C1orf53: variants seen among roughly 807,000 people sequenced by gnomAD.
C1orf53 encodes uncharacterized protein C1orf53.
A neutral mutation model predicts 17.5 loss-of-function variants in C1orf53; 23 were observed. That is an observed-to-expected ratio of 1.31 (90% confidence interval 0.94 to 1.86). C1orf53 has a LOEUF of 1.86. Among genes scored for constraint, C1orf53 ranks in the 40% most tolerant of loss-of-function variants. The pLI is 0.00. For synonymous variants in C1orf53, 108 were observed against 81.9 expected, an observed-to-expected ratio of 1.32 and a Z score of -1.72; for missense variants, 255 against 193.2, an observed-to-expected ratio of 1.32 and a Z score of -1.89.
In C1orf53 at chr1:197,902,766, A is replaced by G. The variant is rs759277613; in HGVS notation, c.117A>G (p.Leu39=). The change falls in exon 1 of 3, where the codon TTA becomes TTG. Residue 39 remains leucine, a synonymous_variant. Transcript: ENST00000367393. ...CTGGGTTCCGACAGCAGCTCAGCTT[A>G]ACCCTCTGCCCTGCTAACGAGGGAA... ...VRAGFRQQLS[L]TLCPANEGNC... 6 of 1,577,600 alleles carry G rather than the reference A, an allele frequency of 3.8e-6. No individual in the cohort carries two copies. The highest frequency in any genetic ancestry group is 5.1e-6 in the Non-Finnish European group (6 of 1,169,446).
rs773949964 is a variant in C1orf53, at chr1:197,902,867, C to T, written c.218C>T (p.Thr73Ile). The T allele has an allele frequency of 1.3e-6, 2 of 1,525,038 alleles. No individual in the cohort carries two copies. The highest frequency in any genetic ancestry group is 1.8e-6 in the Non-Finnish European group (2 of 1,142,094). The allele number at this position is 1,525,038 out of a possible 1,614,324, so 94.5% of individuals were successfully genotyped here. The change falls in exon 1 of 3, where the codon ACC becomes ATC. Residue 73 changes from threonine to isoleucine, a missense_variant. Transcript: ENST00000367393. ...AARPSVSEEL[T>I]AAERQIAELH... ...AGGCCTTCGGTGAGCGAAGAGTTAA[C>T]CGCGGCGGAGCGACAGATCGCGGAG...
intron 1 of C1orf53, 32 bp downstream of exon 1, chr1:197,902,945 C>T: frequency 7.5e-7 from 1 of 1,339,716 alleles, no homozygotes; most frequent in African/African-American, 1.5e-5. Context: ...CCCGCCCCGC[C>T]GCGGCCGCCC....
intron 2 of C1orf53, among the ~76,000 whole-genome samples, chr1:197,906,388 C>T (rs1436884069): frequency 6.6e-6 from 1 of 151,596 alleles, no homozygotes; most frequent in African/African-American, 2.4e-5. Flanking sequence ...ATCTCTCTCT[C>T]TCTCATTCTG....
chr1:197,905,819 T>C lies in C1orf53; in HGVS notation c.288T>C (p.Asp96=), dbSNP rs2270763. The C allele has an allele frequency of 0.36, 578,793 of 1,611,492 alleles. 105,327 individuals are homozygous for C. Among genetic ancestry groups the C allele is most frequent in the Admixed American group, 0.4 (24,255 of 59,912 alleles). The change falls in exon 2 of 3, where the codon GAT becomes GAC. Residue 96 remains aspartate, a synonymous_variant. Coordinates refer to ENST00000367393, the MANE Select transcript of C1orf53 (RefSeq NM_001024594.3). ...AGGCTGGCCAGCTAAACTATGTGGA[T>C]CCAGCTACTGGCTATGTGGTGCTCA... The part of the protein sequence containing the change: ...ACAAGQLNYV[D]PATGYVVLTQ...
chr1:197,905,994 A>C, intron 2 of C1orf53, 97 bp downstream of exon 2: 1 of 932,808 alleles, frequency 1.1e-6, no homozygotes, highest in East Asian at 2.4e-5. Flanking sequence ...AAAAAACCAA[A>C]TAGACCTGGA....
At position 197,905,900 on chromosome 1, in the gene C1orf53, G is replaced by A; in HGVS notation, c.366+3G>A. The stretch of plus-strand genomic sequence containing the variant: ...GTTGTGGCTCTGCGTGCAGACATGT[G>A]AGTAGCAATTCTTGCATTACAGCAG... On this transcript the variant is annotated splice_donor_region_variant and intron_variant, in intron 2 of 2. Coordinates refer to ENST00000367393, the MANE Select transcript of C1orf53 (RefSeq NM_001024594.3). The A allele has an allele frequency of 6.2e-7, 1 of 1,608,832 alleles. No homozygotes were observed. Among genetic ancestry groups the A allele is most frequent in the Non-Finnish European group, 8.5e-7 (1 of 1,175,400 alleles).
rs375556599 is a variant in C1orf53 at position 197,907,207 on chromosome 1, A to G, written c.425A>G (p.Tyr142Cys). The G allele has an allele frequency of 6.4e-7, 1 of 1,574,730 alleles. No homozygotes were observed. Residue 142 changes from tyrosine (Y) to cysteine (C), a missense_variant, in exon 3 of 3, where the codon TAT becomes TGT. By Grantham distance (194) the Tyr-to-Cys change is radical (BLOSUM62 -2). Transcript: ENST00000367393. ...DPSKKKQFNS[Y>C]FYV ...TCTAAAAAGAAGCAATTCAATTCATATTTTTATGTTTGACAAGAATTTCAT... is the reference window on the plus strand; with the variant it reads ...TCTAAAAAGAAGCAATTCAATTCATGTTTTTATGTTTGACAAGAATTTCAT...
intron 1 of C1orf53, among the ~76,000 whole-genome samples, chr1:197,905,271 A>G (rs1485881289): frequency 1.3e-5 from 2 of 152,216 alleles, no homozygotes; most frequent in African/African-American, 4.8e-5. Context: ...TAAAATGTGC[A>G]ATGAAGTAAC....
At position 197,907,145 on chromosome 1, in the gene C1orf53, G is replaced by T. The variant is rs775669029; in HGVS notation, c.367-4G>T. On this transcript the variant is annotated splice_polypyrimidine_tract_variant and splice_region_variant and intron_variant, in intron 2 of 2. Transcript: ENST00000367393. ...AATAATAATTTGTTTTATTTCTTCT[G>T]CAGTGTCCATATGGTCAAGTCAATG... 1.3e-6 allele frequency: 2 copies of T among 1,518,568 alleles called. No homozygotes were observed. Among genetic ancestry groups the T allele is most frequent in the South Asian group, 1.2e-5 (1 of 83,330 alleles). The allele number at this position is 1,518,568 out of a possible 1,614,324, so 94.1% of individuals were successfully genotyped here.
At chr1:197,905,470 C>CTT in intron 1 of C1orf53, 1 of 172,440 alleles carries the variant, frequency 5.8e-6, no homozygotes, top group Admixed American at 6.3e-5. Flanking sequence ...TCATTTAAAT[C>CTT]ACCTGTTATT....
chr1:197,905,042 G>C (rs1377056569), intron 1 of C1orf53, among the ~76,000 whole-genome samples: 1 of 152,150 alleles, frequency 6.6e-6, no homozygotes, highest in Non-Finnish European at 1.5e-5. Flanking sequence ...CCACAGAAAA[G>C]ATTATGTTAT....
chr1:197,904,567 G>A (rs570930630), intron 1 of C1orf53, among the ~76,000 whole-genome samples: 8 of 152,296 alleles, frequency 5.3e-5, no homozygotes, highest in African/African-American at 1.9e-4. Context: ...GTGAGGCCCT[G>A]ACAATCGGTC....
At chr1:197,903,204 ATG>A (rs954851976) in intron 1 of C1orf53, among the ~76,000 whole-genome samples, 9 of 151,870 alleles carry the variant, frequency 5.9e-5, no homozygotes, top group African/African-American at 2.2e-4. Flanking sequence ...TTTGTGGTGT[ATG>A]TGTGTGTGTG....
chr1:197,906,558 TAAGATA>T (rs976187116), intron 2 of C1orf53, among the ~76,000 whole-genome samples: 1 of 152,220 alleles, frequency 6.6e-6, no homozygotes, highest in African/African-American at 2.4e-5. Context: ...GTTCACTAAT[TAAGATA>T]AACAAACCTC....
intron 1 of C1orf53, among the ~76,000 whole-genome samples, chr1:197,904,973 C>G (rs962694439): frequency 2.1e-4 from 32 of 152,100 alleles, no homozygotes; most frequent in African/African-American, 7.2e-4. Context: ...TACAAAAAGT[C>G]CATGGGAGTT....
In C1orf53 at chr1:197,905,875, GT is replaced by G; in HGVS notation, c.346del (p.Cys116ValfsTer39). 6.2e-7 allele frequency: 1 copy of G among 1,613,802 alleles called. No homozygotes were observed. Among genetic ancestry groups the G allele is most frequent in the Non-Finnish European group, 8.5e-7 (1 of 1,179,696 alleles). On this transcript the variant is annotated frameshift_variant, in exon 2 of 3. Transcript: ENST00000367393. LOFTEE classifies it high-confidence loss of function. The part of the protein sequence containing the change: ...TQIAHLQRGE[C>X]CGSACRHCPY... Reference sequence around the variant, plus strand: ...ATTGCCCACTTGCAAAGAGGTGAATGTTGTGGCTCTGCGTGCAGACATGTGA... The same window carrying G: ...ATTGCCCACTTGCAAAGAGGTGAATGTGTGGCTCTGCGTGCAGACATGTGA...
In C1orf53 at chr1:197,905,810, C is replaced by T. The variant is rs1311802874; in HGVS notation, c.279C>T (p.Asn93=). 1.2e-6 allele frequency: 2 copies of T among 1,612,976 alleles called. No individual in the cohort carries two copies. The highest frequency in any genetic ancestry group is 2.2e-5 in the East Asian group (1 of 44,876). Residue 93 remains asparagine (N), a synonymous_variant, in exon 2 of 3, where the codon AAC becomes AAT. Transcript: ENST00000367393. ...TTGCACTTCAGGCTGGCCAGCTAAA[C>T]TATGTGGATCCAGCTACTGGCTATG... ...HAAACAAGQL[N]YVDPATGYVV...
intron 1 of C1orf53, 84 bp downstream of exon 1, chr1:197,902,997 G>C (rs972155442): frequency 1.6e-6 from 2 of 1,240,322 alleles, no homozygotes; most frequent in East Asian, 3.2e-5. Context: ...CTCCGGACCC[G>C]GAGGCCGCCC....
At chr1:197,906,833 T>C (rs1420246746) in intron 2 of C1orf53, among the ~76,000 whole-genome samples, 2 of 152,238 alleles carry the variant, frequency 1.3e-5, no homozygotes, top group Non-Finnish European at 2.9e-5. Context: ...TTATGTATGT[T>C]CCTGTGCCCT....
Sources: gnomAD v4.1 joint callset for allele counts (sites outside exome capture counted in the v4.1 genomes callset) on GRCh38, gnomAD v4.1.1 for gene constraint, MANE v1.5 for transcripts, NCBI Gene and HGNC (gene_info 2026-07-23, HGNC 2026-07-21) for gene names.